Variants in PRSS3 observed in about 807,000 individuals in gnomAD.
PRSS3 encodes the protein trypsin-3.
A neutral mutation model predicts 20.8 loss-of-function variants in PRSS3; 14 were observed. The observed-to-expected ratio is 0.67, with a 90% CI of 0.44 to 1.05. PRSS3 has a LOEUF of 1.05. Ranked by LOEUF, PRSS3 falls within the 50% of genes least tolerant of loss-of-function variation. The pLI, the probability that PRSS3 is intolerant of heterozygous loss-of-function variation, is 0.00. For synonymous variants in PRSS3, 91 were observed against 117.6 expected, an observed-to-expected ratio of 0.77 and a Z score of 1.46; for missense variants, 237 against 306.4, an observed-to-expected ratio of 0.77 and a Z score of 1.69.
chr9:33,783,889 CAA>C (rs555198245), intron 1 of PRSS3, among the ~76,000 whole-genome samples: 12 of 91,246 alleles, frequency 1.3e-4, no homozygotes, highest in Non-Finnish European at 8.9e-5. Context: ...GACTTAATCT[CAA>C]AAAAAAAAAA....
At chr9:33,758,071 T>G (rs1297244768) in intron 1 of PRSS3, among the ~76,000 whole-genome samples, 1 of 152,190 alleles carries the variant, frequency 6.6e-6, no homozygotes, top group Non-Finnish European at 1.5e-5. Flanking sequence ...TTTCCTCATG[T>G]TCCATCCCTT....
intron 1 of PRSS3, among the ~76,000 whole-genome samples, chr9:33,779,165 C>T (rs1587385970): frequency 6.6e-6 from 1 of 152,114 alleles, no homozygotes; most frequent in East Asian, 1.9e-4. Flanking sequence ...AGAACTCTGG[C>T]AATTCAAAAA....
At chr9:33,790,722 G>C (rs10971707), upstream of PRSS3, among the ~76,000 whole-genome samples, 1 of 152,144 alleles carries the variant, frequency 6.6e-6, no homozygotes, top group Non-Finnish European at 1.5e-5. Context: ...ATGCATGCAC[G>C]TGTACTCACA....
upstream of PRSS3, chr9:33,793,738 A>T: frequency 2.1e-6 from 2 of 938,022 alleles, no homozygotes; most frequent in Non-Finnish European, 2.5e-6. Context: ...CTCTGCCAAG[A>T]TCTGTATTCT....
In PRSS3 at chr9:33,795,629, T is replaced by G; in HGVS notation, c.40+16T>G. 6.2e-7 allele frequency: 1 copy of G among 1,614,094 alleles called. No individual in the cohort carries two copies. The highest frequency in any genetic ancestry group is 8.5e-7 in the Non-Finnish European group (1 of 1,179,920). On this transcript the variant is annotated intron_variant, in intron 1 of 4. Coordinates refer to ENST00000379405, the MANE Select transcript of PRSS3 (RefSeq NM_002771.4). The stretch of plus-strand genomic sequence containing the variant: ...GGAGCTGCTGGCGAGTTTCATGACC[T>G]GCCTCAGGCCCCACCCACCCCCTTT...
At chr9:33,767,530 G>A (rs182192718) in intron 1 of PRSS3, among the ~76,000 whole-genome samples, 3 of 151,226 alleles carry the variant, frequency 2.0e-5, no homozygotes, top group African/African-American at 7.3e-5. Context: ...TATCCTTTAA[G>A]AGGAACTTTA....
At position 33,796,671 on chromosome 9, in the gene PRSS3, G is replaced by C. The variant is rs200115075; in HGVS notation, c.69G>C (p.Lys23Asn). The change falls in exon 2 of 5, where the codon AAG becomes AAC. Residue 23 changes from lysine (K) to asparagine (N), a missense_variant. Physicochemically the swap from Lys to Asn is moderately conservative, Grantham distance 94. Coordinates refer to ENST00000379405, the MANE Select transcript of PRSS3 (RefSeq NM_002771.4). ...AVAVPFDDDD[K>N]IVGGYTCEEN... ...CTGTCCCCTTTGACGATGATGACAA[G>C]ATTGTTGGGGGCTACACCTGTGAGG... The C allele has an allele frequency of 4.3e-5, 70 of 1,611,418 alleles. No individual in the cohort carries two copies. The African/African-American group carries it at 7.4e-4, about 17-fold the overall frequency.
intron 1 of PRSS3, among the ~76,000 whole-genome samples, chr9:33,763,834 G>A (rs1823311719): frequency 6.6e-6 from 1 of 151,968 alleles, no homozygotes; most frequent in Admixed American, 6.6e-5. Flanking sequence ...GCTCTGACTA[G>A]AACTCTGCCC....
chr9:33,782,826 T>G (rs1169923988), intron 1 of PRSS3, among the ~76,000 whole-genome samples: 1 of 152,204 alleles, frequency 6.6e-6, no homozygotes, highest in Non-Finnish European at 1.5e-5. Flanking sequence ...ACTAAACCCC[T>G]ATGATCATCT....
rs7866730 is a variant in PRSS3 at position 33,797,696 on chromosome 9, G to A, written c.201-133G>A. 3.2e-3 allele frequency: 4,904 copies of A among 1,551,436 alleles called. 32 individuals are homozygous for A. The African/African-American group carries it at 0.054, about 17-fold the overall frequency. On this transcript the variant is annotated intron_variant, in intron 2 of 4. Coordinates refer to ENST00000379405, the MANE Select transcript of PRSS3 (RefSeq NM_002771.4). ...TGACCCACATCCCTCTCCTGCCCAT[G>A]CAATATGGCCACACACCCCACCCCA... is the stretch of plus-strand genomic sequence containing the variant.
chr9:33,771,535 C>T (rs1417337039), intron 1 of PRSS3, among the ~76,000 whole-genome samples: 1 of 151,484 alleles, frequency 6.6e-6, no homozygotes, highest in Non-Finnish European at 1.5e-5. Context: ...CTATGTTGGC[C>T]AGGCTGGTCT....
intron 1 of PRSS3, among the ~76,000 whole-genome samples, chr9:33,772,522 A>G (rs1329598040): frequency 1.8e-4 from 27 of 152,158 alleles, no homozygotes; most frequent in Admixed American, 1.8e-3. Flanking sequence ...CCTGAATTTT[A>G]ATGATACAAA....
intron 1 of PRSS3, among the ~76,000 whole-genome samples, chr9:33,755,808 G>A (rs1368224904): frequency 6.6e-6 from 1 of 152,160 alleles, no homozygotes; most frequent in Non-Finnish European, 1.5e-5. Context: ...ATTGCATGGA[G>A]CTGTTGAGTG....
intron 1 of PRSS3, among the ~76,000 whole-genome samples, chr9:33,779,219 G>A (rs919973906): frequency 6.6e-6 from 1 of 152,180 alleles, no homozygotes; most frequent in African/African-American, 2.4e-5. Context: ...TAGCTCCCTA[G>A]AAATGGTTCT....
upstream of PRSS3, among the ~76,000 whole-genome samples, chr9:33,792,690 A>AAGCTCATTTAATCACCTGGAAAATGGGC (rs1318332884): frequency 2.0e-5 from 3 of 152,238 alleles, no homozygotes; most frequent in African/African-American, 7.2e-5. Flanking sequence ...TACCTCCAGA[A>AAGCTCATTTAATCACCTGGAAAATGGGC]AGCTCATTTA....
intron 1 of PRSS3, among the ~76,000 whole-genome samples, chr9:33,776,237 T>C (rs993643436): frequency 9.2e-5 from 14 of 151,980 alleles, no homozygotes; most frequent in African/African-American, 3.1e-4. Context: ...AATGATCCAA[T>C]TTGAAAAACA....
intron 4 of PRSS3, 40 bp downstream of exon 4, chr9:33,798,662 C>G (rs749183663): frequency 6.2e-7 from 1 of 1,613,610 alleles, no homozygotes; most frequent in Admixed American, 1.7e-5. Flanking sequence ...CCCACCGATA[C>G]CCAGGCCCCA....
chr9:33,781,369 G>A (rs1824177489), intron 1 of PRSS3, among the ~76,000 whole-genome samples: 1 of 152,180 alleles, frequency 6.6e-6, no homozygotes, highest in Non-Finnish European at 1.5e-5. Flanking sequence ...AAATCAAGTT[G>A]TTTGCAGCAA....
intron 1 of PRSS3, among the ~76,000 whole-genome samples, 183 bp from the exon 2 acceptor site, chr9:33,796,460 T>C (rs1824944613): frequency 6.6e-6 from 1 of 152,254 alleles, no homozygotes; most frequent in Admixed American, 6.5e-5. Flanking sequence ...CTACGTGCCC[T>C]GCAGACACAG....
Sources: allele counts gnomAD v4.1 joint callset (sites outside exome capture counted in the v4.1 genomes callset), GRCh38; gene constraint gnomAD v4.1.1; transcripts MANE v1.5; gene names NCBI Gene and HGNC (gene_info 2026-07-23, HGNC 2026-07-21).